KMT2B: variants seen among roughly 807,000 people sequenced by gnomAD.
The protein encoded by KMT2B is lysine methyltransferase 2B, also known as histone-lysine N-methyltransferase 2B.
Under a neutral mutation model 255.3 loss-of-function variants are expected in KMT2B, and 22 were observed. That is an observed-to-expected ratio of 0.09 (90% CI 0.06 to 0.12). The LOEUF (loss-of-function observed/expected upper bound fraction) is 0.12, where lower values mean the gene tolerates loss of function less well. KMT2B is among the 10% of genes least tolerant of loss of function. The probability of loss-of-function intolerance (pLI) is 1.00; values close to 1 mark genes in which losing one functional copy is unlikely to be tolerated. For missense variants in KMT2B, 3,149 were observed against 3,737.0 expected (o/e 0.84, Z 4.10); for synonymous variants, 1,730 against 1,498.1 (o/e 1.15, Z -3.57).
In KMT2B at chr19:35,720,727, G is replaced by A. The variant is rs1353688686; in HGVS notation, c.1380G>A (p.Val460=). 6.8e-7 allele frequency: 1 copy of A among 1,473,862 alleles called. No individual in the cohort carries two copies. 91.3% of individuals were successfully genotyped at this position (1,473,862 alleles called of 1,614,324 possible). A position where few individuals can be genotyped will look rare whatever the true frequency, so the allele number is the denominator to read the frequency against. The change falls in exon 3 of 37, where the codon GTG becomes GTA. Residue 460 remains valine, a synonymous_variant. Transcript: ENST00000420124. ...AGCAGGAGGAATCCCCTCCTCCTGTGGTCCCAGCTACGTGCTCCAGGAAGA... is the reference window on the plus strand; with the variant it reads ...AGCAGGAGGAATCCCCTCCTCCTGTAGTCCCAGCTACGTGCTCCAGGAAGA... ...QEEQEESPPP[V]VPATCSRKRG... is the part of the protein sequence containing the mutation.
chr19:35,732,728 A>G lies in KMT2B; in HGVS notation c.6179A>G (p.Gln2060Arg). 6.2e-7 allele frequency: 1 copy of G among 1,610,634 alleles called. No homozygotes were observed. The highest frequency in any genetic ancestry group is 8.5e-7 in the Non-Finnish European group (1 of 1,178,802). The change falls in exon 28 of 37, where the codon CAG (glutamine) becomes CGG (arginine). Residue 2060 changes from glutamine to arginine, a missense_variant. Gln to Arg is a conservative substitution (Grantham distance 43). Transcript: ENST00000420124. ...SATPGAPRIE[Q>R]LDGVDDGTDS... ...ACCCCTGGAGCCCCCCGCATTGAAC[A>G]GCTGGACGGCGTGGACGACGGCACT...
At position 35,723,832 on chromosome 19, in the gene KMT2B, G is replaced by A. The variant is rs775046803; in HGVS notation, c.3159G>A (p.Gly1053=). 4 of 1,596,514 alleles carry A rather than the reference G, an allele frequency of 2.5e-6. No homozygotes were observed. The South Asian group carries it at 3.3e-5, about 13-fold the overall frequency. Residue 1053 remains glycine (G), a synonymous_variant, in exon 8 of 37, where the codon GGG becomes GGA. Transcript: ENST00000420124. This position sits in a 1 kb window ranked among gnomAD's most constrained non-coding sequence, Gnocchi z 7.5. The part of the protein sequence containing the change: ...PGPRRGAGAG[G]PREEVVAHPG... The stretch of plus-strand genomic sequence containing the variant: ...CACGCCGGGGGGCGGGAGCTGGGGG[G>A]CCCCGGGAGGAGGTGGTGGCCCACC...
Position 35,733,028 on chromosome 19 carries a change from C to T in KMT2B, c.6479C>T (p.Thr2160Ile). The T allele has an allele frequency of 6.3e-7, 1 of 1,592,158 alleles. No homozygotes were observed. Among genetic ancestry groups the T allele is most frequent in the South Asian group, 1.1e-5 (1 of 87,706 alleles). Reference sequence around the variant, plus strand: ...CTGACCGCCAGCCCAGCTGACCCCACCCGCACATTTGCCTGGCTCCCAGGG... The same window carrying T: ...CTGACCGCCAGCCCAGCTGACCCCATCCGCACATTTGCCTGGCTCCCAGGG... ...QGLTASPADP[T>I]RTFAWLPGAP... The change falls in exon 28 of 37, where the codon ACC becomes ATC. Residue 2160 changes from threonine (T) to isoleucine (I), a missense_variant. By Grantham distance (89) the Thr-to-Ile change is moderately conservative. Around this residue, in one of 18 missense-constraint regions of KMT2B, gnomAD observed 897 missense variants for 825.3 expected, o/e 1.09. Coordinates refer to ENST00000420124, the MANE Select transcript of KMT2B (RefSeq NM_014727.3). The surrounding 1 kb of genome is among the most constrained non-coding windows in gnomAD (Gnocchi z 4.3).
chr19:35,736,348 G>A (rs1421619841), intron 30 of KMT2B: 1 of 230,752 alleles, frequency 4.3e-6, no homozygotes, highest in Non-Finnish European at 8.5e-6. Flanking sequence ...TTTAAATTTT[G>A]TGTGAGAAAC....
rs200664650 is a variant in KMT2B, at chr19:35,722,313, A to G, written c.2458-46A>G. 206 of 1,540,402 alleles carry G rather than the reference A, an allele frequency of 1.3e-4. 2 individuals are homozygous for G. The highest frequency in any genetic ancestry group is 1.2e-3 in the African/African-American group (90 of 73,482). On this transcript the variant is annotated intron_variant, in intron 3 of 36. Transcript: ENST00000420124. Reference sequence around the variant, plus strand: ...CCACCACACCCAGCTCCCTGTCCCTATCTTTCCTCACTGTCCAGCCCCTGA... The same window carrying G: ...CCACCACACCCAGCTCCCTGTCCCTGTCTTTCCTCACTGTCCAGCCCCTGA...
At position 35,723,787 on chromosome 19, in the gene KMT2B, C is replaced by T. The variant is rs757686913; in HGVS notation, c.3114C>T (p.Ala1038=). ...GGGATTCCGATGAATCTCCTGAGGC[C>T]TCCCCTGGTCCTCCAGGCCCACGCC... is the stretch of plus-strand genomic sequence containing the variant. The part of the protein sequence containing the change: ...LPWDSDESPE[A]SPGPPGPRRG... The change falls in exon 8 of 37, where the codon GCC becomes GCT. Residue 1038 remains alanine, a synonymous_variant. Transcript: ENST00000420124. This position sits in a 1 kb window ranked among gnomAD's most constrained non-coding sequence, Gnocchi z 7.5. The T allele has an allele frequency of 3.8e-6, 6 of 1,577,518 alleles. No homozygotes were observed. Among genetic ancestry groups the T allele is most frequent in the South Asian group, 3.4e-5 (3 of 88,826 alleles).
chr19:35,723,857 C>T lies in KMT2B; in HGVS notation c.3184C>T (p.Pro1062Ser), dbSNP rs1291837328. 6.2e-7 allele frequency: 1 copy of T among 1,605,898 alleles called. No individual in the cohort carries two copies. Among genetic ancestry groups the T allele is most frequent in the Non-Finnish European group, 8.5e-7 (1 of 1,176,552 alleles). ...GCCCCGGGAGGAGGTGGTGGCCCAC[C>T]CAGGGCCCGAGGAGCAGGACTCCCT... ...GGPREEVVAH[P>S]GPEEQDSLLQ... The change falls in exon 8 of 37, where the codon CCA becomes TCA. Residue 1062 changes from proline (P) to serine (S), a missense_variant. This residue lies in a region of KMT2B where 136 missense variants were observed against 137.3 expected (regional missense o/e 0.99). Transcript: ENST00000420124. The surrounding 1 kb of genome is among the most constrained non-coding windows in gnomAD (Gnocchi z 7.5).
Position 35,727,977 on chromosome 19 carries a change from C to T in KMT2B, c.4489C>T (p.Leu1497=), listed in dbSNP as rs114437766. ...RRAGGQMKGL[L]LKLLESAFGW... is the part of the protein sequence containing the mutation. ...GGCTGGAGGCCAGATGAAGGGGCTCCTGCTGAAGGTGAGCTCTTCCGGGGA... is the reference window on the plus strand; with the variant it reads ...GGCTGGAGGCCAGATGAAGGGGCTCTTGCTGAAGGTGAGCTCTTCCGGGGA... The change falls in exon 18 of 37, where the codon CTG becomes TTG. Residue 1497 remains leucine, a synonymous_variant. Coordinates refer to ENST00000420124, the MANE Select transcript of KMT2B (RefSeq NM_014727.3). The surrounding 1 kb of genome is among the most constrained non-coding windows in gnomAD (Gnocchi z 4.2). 1,090 of 1,566,570 alleles carry T rather than the reference C, an allele frequency of 7.0e-4. 15 individuals are homozygous for T. In the African/African-American group the frequency reaches 0.014, roughly 20 times the overall value.
chr19:35,728,518 C>T (rs936369851), intron 19 of KMT2B, among the ~76,000 whole-genome samples: 8 of 151,988 alleles, frequency 5.3e-5, no homozygotes, highest in Non-Finnish European at 8.8e-5. Context: ...CTGCTGGAGC[C>T]GAGGTGTCAG....
chr19:35,728,935 C>T (rs1969576162), intron 20 of KMT2B, 46 bp downstream of exon 20: 1 of 1,611,978 alleles, frequency 6.2e-7, no homozygotes, highest in Non-Finnish European at 8.5e-7. Context: ...GTGTTGGTGG[C>T]CTGGCTCCGG....
In KMT2B at chr19:35,733,171, G is replaced by A. The variant is rs1424516953; in HGVS notation, c.6622G>A (p.Gly2208Ser). 3.8e-6 allele frequency: 6 copies of A among 1,567,824 alleles called. No individual in the cohort carries two copies. In the Admixed American group the frequency reaches 5.5e-5, roughly 14 times the overall value. ...GQVFVKMAGE[G>S]EPVPPPVKQP... ...AGTATTTGTGAAGATGGCTGGGGAG[G>A]GTGAACCTGTCCCACCCCCAGTGAA... The change falls in exon 28 of 37, where the codon GGT becomes AGT. Residue 2208 changes from glycine (G) to serine (S), a missense_variant. Physicochemically the swap from Gly to Ser is moderately conservative, Grantham distance 56 (BLOSUM62 0). Coordinates refer to ENST00000420124, the MANE Select transcript of KMT2B (RefSeq NM_014727.3). The surrounding 1 kb of genome is among the most constrained non-coding windows in gnomAD (Gnocchi z 4.3).
In KMT2B at chr19:35,732,414, A is replaced by G; in HGVS notation, c.5865A>G (p.Ser1955=). The change falls in exon 28 of 37, where the codon TCA becomes TCG. Residue 1955 remains serine, a synonymous_variant. Coordinates refer to ENST00000420124, the MANE Select transcript of KMT2B (RefSeq NM_014727.3). ...TCGTCACAGCCCTCACACCTACCTC[A>G]GGGGAGCTGGCTCCCCCTGGCCCGG... ...TSVVTALTPT[S]GELAPPGPAP... The G allele has an allele frequency of 6.2e-7, 1 of 1,613,358 alleles. No individual in the cohort carries two copies. Among genetic ancestry groups the G allele is most frequent in the Non-Finnish European group, 8.5e-7 (1 of 1,179,564 alleles).
At chr19:35,726,102 C>A in intron 13 of KMT2B, 134 bp from the exon 14 acceptor site, 1 of 704,284 alleles carries the variant, frequency 1.4e-6, no homozygotes, top group Non-Finnish European at 2.6e-6. Flanking sequence ...CGTGTCTGTC[C>A]TGCGTGTTTT....
chr19:35,724,413 G>T (rs558210356), intron 8 of KMT2B, among the ~76,000 whole-genome samples: 4 of 152,170 alleles, frequency 2.6e-5, no homozygotes, highest in Non-Finnish European at 4.4e-5. Context: ...CAGGAGGATC[G>T]TCTGAGCCTG....
At position 35,733,085 on chromosome 19, in the gene KMT2B, C is replaced by G; in HGVS notation, c.6536C>G (p.Pro2179Arg). 1 of 1,567,068 alleles carries G rather than the reference C, an allele frequency of 6.4e-7. No homozygotes were observed. Among genetic ancestry groups the G allele is most frequent in the Middle Eastern group, 1.7e-4 (1 of 5,994 alleles). Residue 2179 changes from proline to arginine, a missense_variant, in exon 28 of 37, where the codon CCT (proline) becomes CGT (arginine). By Grantham distance (103) the Pro-to-Arg change is moderately radical. Coordinates refer to ENST00000420124, the MANE Select transcript of KMT2B (RefSeq NM_014727.3). This position sits in a 1 kb window ranked among gnomAD's most constrained non-coding sequence, Gnocchi z 4.3. ...GGGGTCCGGGTGTTAAGCCTTGGCCCTGCCCCTGAGCCCCCCAAACCCGCC... is the reference window on the plus strand; with the variant it reads ...GGGGTCCGGGTGTTAAGCCTTGGCCGTGCCCCTGAGCCCCCCAAACCCGCC... ...APGVRVLSLG[P>R]APEPPKPATS...
intron 2 of KMT2B, 96 bp from the exon 3 acceptor site, chr19:35,719,688 A>T: frequency 1.3e-6 from 2 of 1,524,732 alleles, no homozygotes; most frequent in Non-Finnish European, 1.8e-6. Flanking sequence ...AGCGGGGGAA[A>T]CACACAAGCA....
Position 35,737,303 on chromosome 19 carries a change from C to G in KMT2B, c.7550+40C>G. On this transcript the variant is annotated intron_variant, in intron 33 of 36. Coordinates refer to ENST00000420124, the MANE Select transcript of KMT2B (RefSeq NM_014727.3). The surrounding 1 kb of genome is among the most constrained non-coding windows in gnomAD (Gnocchi z 5.3). ...GTGTGATGCCTGGGTCAGGGCGCCC[C>G]TATGAGAGCTCTTGAGGGTGGGAGT... The G allele has an allele frequency of 1.4e-6, 2 of 1,457,092 alleles. No homozygotes were observed. Among genetic ancestry groups the G allele is most frequent in the Non-Finnish European group, 1.8e-6 (2 of 1,105,422 alleles). 90.3% of individuals were successfully genotyped at this position (1,457,092 alleles called of 1,614,324 possible).
At chr19:35,722,946 G>A in intron 5 of KMT2B, 49 bp from the exon 6 acceptor site, 2 of 1,487,686 alleles carry the variant, frequency 1.3e-6, no homozygotes. Context: ...TGAGGTAGAA[G>A]CCTGGTGGCT....
chr19:35,719,752 G>T, intron 2 of KMT2B, 32 bp from the exon 3 acceptor site: 3 of 1,551,568 alleles, frequency 1.9e-6, no homozygotes, highest in Non-Finnish European at 2.6e-6. Flanking sequence ...GGGCTGGCTT[G>T]ATCCATCTCC....
Sources: gnomAD v4.1 joint callset for allele counts (sites outside exome capture counted in the v4.1 genomes callset) on GRCh38, gnomAD v4.1.1 for gene constraint, gnomAD v4.1.1 regional missense constraint, Gnocchi (gnomAD v3.1) non-coding constraint, MANE v1.5 for transcripts, NCBI Gene and HGNC (gene_info 2026-07-23, HGNC 2026-07-21) for gene names.